Variants in CACNG2 observed in about 807,000 individuals in gnomAD.
The protein encoded by CACNG2 is calcium voltage-gated channel auxiliary subunit gamma 2, also known as voltage-dependent calcium channel gamma-2 subunit.
A neutral mutation model predicts 25.9 loss-of-function variants in CACNG2; 3 were observed. The ratio of observed to expected loss-of-function variants is 0.12; its 90% CI spans 0.05 to 0.30. The LOEUF (loss-of-function observed/expected upper bound fraction) is 0.30. Ranked by LOEUF, CACNG2 falls within the 10% of genes least tolerant of loss-of-function variation. The pLI is 1.00. For missense variants in CACNG2, 341 were observed against 432.5 expected, an observed-to-expected ratio of 0.79 and a Z score of 1.88; for synonymous variants, 167 against 173.3, an observed-to-expected ratio of 0.96 and a Z score of 0.29.
chr22:36,668,212 T>C (rs1017998171), intron 1 of CACNG2, among the ~76,000 whole-genome samples: 1 of 152,226 alleles, frequency 6.6e-6, no homozygotes, highest in Non-Finnish European at 1.5e-5. Flanking sequence ...ACCATGATCA[T>C]GCACGGCCCG....
chr22:36,703,132 G>C lies in CACNG2; in HGVS notation c.-556C>G, dbSNP rs1415493641. The C allele has an allele frequency of 6.4e-6, 1 of 156,658 alleles. No individual in the cohort carries two copies. Among genetic ancestry groups the C allele is most frequent in the Non-Finnish European group, 1.4e-5 (1 of 71,208 alleles). 9.7% of individuals were successfully genotyped at this position (156,658 alleles called of 1,614,324 possible). A position where few individuals can be genotyped will look rare whatever the true frequency, so the allele number is the denominator to read the frequency against. On this transcript the variant is annotated 5_prime_UTR_variant, in exon 1 of 4. Transcript: ENST00000300105. Reference sequence around the variant, plus strand: ...TTGCTTCGCCAGTTCTCTTCCTTGGGGGGTCTCGGCGCTTTCGTTTCAGAC... The same window carrying C: ...TTGCTTCGCCAGTTCTCTTCCTTGGCGGGTCTCGGCGCTTTCGTTTCAGAC...
At chr22:36,624,349 C>T (rs1224251743) in intron 1 of CACNG2, among the ~76,000 whole-genome samples, 1 of 152,144 alleles carries the variant, frequency 6.6e-6, no homozygotes, top group Non-Finnish European at 1.5e-5. Flanking sequence ...ACATCTTCCC[C>T]GTCAGTGCCC....
intron 2 of CACNG2, among the ~76,000 whole-genome samples, chr22:36,575,616 G>A (rs1935300257): frequency 6.6e-6 from 1 of 152,158 alleles, no homozygotes; most frequent in Non-Finnish European, 1.5e-5. Flanking sequence ...CTGAGCATGT[G>A]CTATTCCTTC....
At chr22:36,634,665 T>C (rs1190840194) in intron 1 of CACNG2, among the ~76,000 whole-genome samples, 1 of 152,242 alleles carries the variant, frequency 6.6e-6, no homozygotes, top group Admixed American at 6.5e-5. Context: ...AGATTAGCTC[T>C]TACTATCCTC....
At chr22:36,641,744 T>C (rs563001596) in intron 1 of CACNG2, among the ~76,000 whole-genome samples, 16 of 152,366 alleles carry the variant, frequency 1.1e-4, no homozygotes, top group African/African-American at 3.8e-4. Flanking sequence ...ATGTCTTGTC[T>C]ATTGAATGAC....
intron 1 of CACNG2, among the ~76,000 whole-genome samples, chr22:36,608,274 G>A (rs1034591525): frequency 6.6e-6 from 1 of 152,244 alleles, no homozygotes; most frequent in Non-Finnish European, 1.5e-5. Flanking sequence ...CACAGCCCGA[G>A]CTGCCTCTCC....
intron 1 of CACNG2, among the ~76,000 whole-genome samples, chr22:36,627,501 A>G (rs529972962): frequency 3.0e-4 from 46 of 152,258 alleles, no homozygotes; most frequent in South Asian, 8.3e-4. Context: ...TTGTCAACCC[A>G]CTAGCTAGAG....
intron 1 of CACNG2, among the ~76,000 whole-genome samples, chr22:36,676,932 TTGTGTG>T (rs138729815): frequency 3.3e-4 from 47 of 141,762 alleles, no homozygotes; most frequent in South Asian, 1.7e-3. Context: ...TCTTCTAATA[TTGTGTG>T]TGTGTGTGTG....
intron 1 of CACNG2, among the ~76,000 whole-genome samples, chr22:36,672,237 G>C (rs1459969514): frequency 6.6e-6 from 1 of 151,858 alleles, no homozygotes; most frequent in Non-Finnish European, 1.5e-5. Context: ...GCTCACTGCA[G>C]CCTCAACCTC....
chr22:36,564,990 G>T lies in CACNG2; in HGVS notation c.437-104C>A. The T allele has an allele frequency of 9.9e-7, 1 of 1,008,716 alleles. No homozygotes were observed. The highest frequency in any genetic ancestry group is 1.5e-6 in the Non-Finnish European group (1 of 647,270). 62.5% of individuals were successfully genotyped at this position (1,008,716 alleles called of 1,614,324 possible). A position where few individuals can be genotyped will look rare whatever the true frequency, so the allele number is the denominator to read the frequency against. On this transcript the variant is annotated intron_variant, in intron 3 of 3. Coordinates refer to ENST00000300105, the MANE Select transcript of CACNG2 (RefSeq NM_006078.5). The surrounding 1 kb of genome is among the most constrained non-coding windows in gnomAD (Gnocchi z 6.7). ...GTAAAGGACGGGGACAGCTGTGTGG[G>T]CCTTCCCCGGTCCCGCGCCTTCATG...
Position 36,702,790 on chromosome 22 carries a change from G to A in CACNG2, c.-214C>T, listed in dbSNP as rs1937426924. 4 of 486,492 alleles carry A rather than the reference G, an allele frequency of 8.2e-6. No individual in the cohort carries two copies. In the East Asian group the frequency reaches 1.3e-4, roughly 16 times the overall value. The allele number at this position is 486,492 out of a possible 1,614,324, so 30.1% of individuals were successfully genotyped here. A position where few individuals can be genotyped will look rare whatever the true frequency, so the allele number is the denominator to read the frequency against. Reference sequence around the variant, plus strand: ...GAGTGTAAATTATAAAGATCACACGGGAAGAGGCTTGCCTTTTGAGATCAG... The same window carrying A: ...GAGTGTAAATTATAAAGATCACACGAGAAGAGGCTTGCCTTTTGAGATCAG... On this transcript the variant is annotated 5_prime_UTR_variant, in exon 1 of 4. Coordinates refer to ENST00000300105, the MANE Select transcript of CACNG2 (RefSeq NM_006078.5).
At chr22:36,680,878 C>CCACCACCACCATCACCATCAT (rs1937112734) in intron 1 of CACNG2, among the ~76,000 whole-genome samples, 1 of 150,790 alleles carries the variant, frequency 6.6e-6, no homozygotes, top group Non-Finnish European at 1.5e-5. Flanking sequence ...ATCACTATCA[C>CCACCACCACCATCACCATCAT]CACCACCACC....
intron 1 of CACNG2, among the ~76,000 whole-genome samples, chr22:36,663,467 C>A (rs1330452055): frequency 6.6e-6 from 1 of 152,144 alleles, no homozygotes; most frequent in African/African-American, 2.4e-5. Flanking sequence ...CTCAGCATAC[C>A]CATCTTCTCC....
chr22:36,633,723 CA>C, intron 1 of CACNG2, among the ~76,000 whole-genome samples: 1 of 152,296 alleles, frequency 6.6e-6, no homozygotes, highest in Admixed American at 6.5e-5. Context: ...CTGAATATGT[CA>C]AGTTTATAAG....
At chr22:36,670,987 T>C (rs930623615) in intron 1 of CACNG2, among the ~76,000 whole-genome samples, 2 of 151,876 alleles carry the variant, frequency 1.3e-5, no homozygotes, top group Admixed American at 6.6e-5. Flanking sequence ...GGCATGATCT[T>C]GGCTCACTGC....
intron 1 of CACNG2, among the ~76,000 whole-genome samples, chr22:36,675,973 T>C (rs2592961): frequency 0.11 from 17,121 of 152,180 alleles, 2,061 homozygotes; most frequent in African/African-American, 0.3. Flanking sequence ...TTAGCATGGC[T>C]GCCATCCTGA....
chr22:36,653,982 CTGTGTGTGTG>C (rs34435196), intron 1 of CACNG2, among the ~76,000 whole-genome samples: 19 of 134,142 alleles, frequency 1.4e-4, no homozygotes, highest in African/African-American at 4.5e-4. Context: ...GTGTGTGTCT[CTGTGTGTGTG>C]TGTGTGTGTG....
chr22:36,642,771 A>G (rs1207804819), intron 1 of CACNG2, among the ~76,000 whole-genome samples: 1 of 152,244 alleles, frequency 6.6e-6, no homozygotes, highest in African/African-American at 2.4e-5. Flanking sequence ...AGACTTGTGT[A>G]ATCATGGATA....
chr22:36,648,380 C>T (rs1343928910), intron 1 of CACNG2, among the ~76,000 whole-genome samples: 2 of 152,128 alleles, frequency 1.3e-5, no homozygotes, highest in African/African-American at 4.8e-5. Flanking sequence ...CAGAATTCAA[C>T]GTGGTAGGTC....
Sources: gnomAD v4.1 joint callset for allele counts (sites outside exome capture counted in the v4.1 genomes callset) on GRCh38, gnomAD v4.1.1 for gene constraint, Gnocchi (gnomAD v3.1) non-coding constraint, MANE v1.5 for transcripts, NCBI Gene and HGNC (gene_info 2026-07-23, HGNC 2026-07-21) for gene names.